Variants in AKT3 observed in about 807,000 individuals in gnomAD.
AKT3 encodes the protein AKT serine/threonine kinase 3, also known as RAC-gamma serine/threonine-protein kinase.
AKT3 carries 15 observed loss-of-function variants against 65.3 expected under a neutral mutation model. The ratio of observed to expected loss-of-function variants is 0.23; its 90% CI spans 0.15 to 0.35. AKT3 has a LOEUF of 0.35. Among genes scored for constraint, AKT3 ranks in the 10% least tolerant of loss-of-function variants. The pLI, the probability that AKT3 is intolerant of heterozygous loss-of-function variation, is 1.00. For synonymous variants in AKT3, 206 were observed against 183.8 expected (o/e 1.12, Z -0.98); for missense variants, 243 against 576.5 (o/e 0.42, Z 5.92).
intron 3 of AKT3, among the ~76,000 whole-genome samples, chr1:243,667,489 C>A (rs1682877694): frequency 6.6e-6 from 1 of 152,118 alleles, no homozygotes; most frequent in Non-Finnish European, 1.5e-5. Context: ...CACATTCACT[C>A]CTCCTGCAAA....
chr1:243,581,686 T>C (rs1235178932), intron 8 of AKT3, among the ~76,000 whole-genome samples: 2 of 151,766 alleles, frequency 1.3e-5, no homozygotes, highest in Non-Finnish European at 2.9e-5. Context: ...CTATGAAAAA[T>C]CTGAATGTAG....
At chr1:243,778,506 T>C (rs1304605759) in intron 2 of AKT3, among the ~76,000 whole-genome samples, 2 of 152,166 alleles carry the variant, frequency 1.3e-5, no homozygotes, top group Non-Finnish European at 2.9e-5. Flanking sequence ...CACTAGAATG[T>C]AAAGGATGAA....
intron 2 of AKT3, among the ~76,000 whole-genome samples, chr1:243,840,990 C>G (rs1469944058): frequency 1.3e-5 from 2 of 151,978 alleles, no homozygotes; most frequent in Admixed American, 1.3e-4. Context: ...TTATCTCTGA[C>G]AAAGGAGGTA....
At chr1:243,574,086 C>T (rs1188483703) in intron 8 of AKT3, among the ~76,000 whole-genome samples, 2 of 152,070 alleles carry the variant, frequency 1.3e-5, no homozygotes, top group African/African-American at 4.8e-5. Context: ...CCAATGTACC[C>T]TTGACTGCAA....
chr1:243,660,632 T>C (rs1682233406), intron 4 of AKT3, among the ~76,000 whole-genome samples: 1 of 152,108 alleles, frequency 6.6e-6, no homozygotes, highest in Admixed American at 6.5e-5. Flanking sequence ...CTGGAAGCAT[T>C]CTCTTTGAAA....
chr1:243,612,260 G>A (rs1371583295), intron 8 of AKT3, among the ~76,000 whole-genome samples: 3 of 151,734 alleles, frequency 2.0e-5, no homozygotes, highest in Admixed American at 2.0e-4. Context: ...GGAGCTGGGT[G>A]TGTGCCACCA....
At position 243,547,394 on chromosome 1, in the gene AKT3, C is replaced by T. The variant is rs974567717; in HGVS notation, c.1164-1797G>A. On this transcript the variant is annotated intron_variant, in intron 11 of 13. Coordinates refer to ENST00000673466, the MANE Select transcript of AKT3 (RefSeq NM_005465.7). The stretch of plus-strand genomic sequence containing the variant: ...AATTTTTAGTAATGACTATAATATA[C>T]AACCAGCTCATAAAATTGGTGAAAA... Among the ~76,000 whole-genome samples the T allele has an allele frequency of 3.9e-5, 6 of 152,246 alleles. 1 individual carries two copies. The highest frequency in any genetic ancestry group is 6.8e-3 in the Middle Eastern group (2 of 294).
At chr1:243,579,298 A>C (rs1195759328) in intron 8 of AKT3, among the ~76,000 whole-genome samples, 2 of 152,210 alleles carry the variant, frequency 1.3e-5, no homozygotes, top group Non-Finnish European at 2.9e-5. Flanking sequence ...TATTGTTAAG[A>C]CTGAGAAAGC....
chr1:243,598,074 TAGGAAA>T (rs1292608375), intron 8 of AKT3, among the ~76,000 whole-genome samples: 1 of 152,190 alleles, frequency 6.6e-6, no homozygotes, highest in Non-Finnish European at 1.5e-5. Context: ...GGCAAAGGCA[TAGGAAA>T]ATGAGAAAAT....
chr1:243,741,417 A>G (rs1688147783), intron 2 of AKT3, among the ~76,000 whole-genome samples: 1 of 152,196 alleles, frequency 6.6e-6, no homozygotes, highest in South Asian at 2.1e-4. Context: ...GAACTTTTTT[A>G]CAGTGACCAT....
intron 13 of AKT3, chr1:243,488,926 A>C (rs1366578192): frequency 3.8e-6 from 6 of 1,595,686 alleles, no homozygotes; most frequent in Non-Finnish European, 5.1e-6. Context: ...GTTCCCTATC[A>C]GGGGCTTCCC....
chr1:243,849,386 A>ACCCCCCCCCCCCCCCCCCCCCCCCC (rs57424400), intron 1 of AKT3, among the ~76,000 whole-genome samples: 9 of 107,022 alleles, frequency 8.4e-5, no homozygotes, highest in African/African-American at 1.5e-4. Flanking sequence ...CCACACACAC[A>ACCCCCCCCCCCCCCCCCCCCCCCCC]CCCCCCCCCC....
chr1:243,548,422 A>C (rs1672823648), intron 11 of AKT3: 1 of 152,196 alleles, frequency 6.6e-6, no homozygotes, highest in African/African-American at 2.4e-5. Context: ...TATCAAATAC[A>C]TATAAAACTA....
At chr1:243,726,342 GT>G (rs1687209626) in intron 2 of AKT3, among the ~76,000 whole-genome samples, 1 of 152,146 alleles carries the variant, frequency 6.6e-6, no homozygotes, top group Non-Finnish European at 1.5e-5. Context: ...AGAGTCAGGT[GT>G]TTTTTAACGT....
At chr1:243,605,233 C>T (rs757356274) in intron 8 of AKT3, among the ~76,000 whole-genome samples, 3 of 150,994 alleles carry the variant, frequency 2.0e-5, no homozygotes, top group Admixed American at 6.6e-5. Context: ...TCACCATGTT[C>T]GCCAGGCTGG....
chr1:243,556,954 GCT>G, intron 10 of AKT3, among the ~76,000 whole-genome samples: 1 of 152,016 alleles, frequency 6.6e-6, no homozygotes. Context: ...TTTCTCAACT[GCT>G]TTAATAGTTC....
At chr1:243,788,623 C>T (rs1471743678) in intron 2 of AKT3, 1 of 152,220 alleles carries the variant, frequency 6.6e-6, no homozygotes, top group Non-Finnish European at 1.5e-5. Flanking sequence ...TTTTTGGATT[C>T]CCAGTTCATA....
At chr1:243,615,998 C>T (rs1558655870) in intron 6 of AKT3, among the ~76,000 whole-genome samples, 1 of 152,010 alleles carries the variant, frequency 6.6e-6, no homozygotes, top group Non-Finnish European at 1.5e-5. Flanking sequence ...GCTTCAGACT[C>T]CCAAGTAGCA....
chr1:243,630,071 A>T (rs1386156697), intron 6 of AKT3, among the ~76,000 whole-genome samples: 1 of 152,224 alleles, frequency 6.6e-6, no homozygotes, highest in Non-Finnish European at 1.5e-5. Context: ...AGACGTTTAC[A>T]GTGGATTGGG....
Sources: gnomAD v4.1 joint callset for allele counts (sites outside exome capture counted in the v4.1 genomes callset) on GRCh38, gnomAD v4.1.1 for gene constraint, MANE v1.5 for transcripts, NCBI Gene and HGNC (gene_info 2026-07-23, HGNC 2026-07-21) for gene names.